The following USP12 variants were observed in gnomAD, a reference collection of about 807,000 sequenced individuals.
USP12 encodes ubiquitin specific peptidase 12.
USP12 carries 19 observed loss-of-function variants against 45.5 expected under a neutral mutation model. The ratio of observed to expected loss-of-function variants is 0.42; its 90% confidence interval spans 0.29 to 0.61. The LOEUF is 0.61. Ranked by LOEUF, USP12 falls within the 20% of genes least tolerant of loss-of-function variation. The pLI is 0.22. For missense variants in USP12, 242 were observed against 447.7 expected, an observed-to-expected ratio of 0.54 and a Z score of 4.15; for synonymous variants, 149 against 148.8, an observed-to-expected ratio of 1.00 and a Z score of -0.01.
At chr13:27,098,024 T>C (rs1363268815) in intron 3 of USP12, among the ~76,000 whole-genome samples, 1 of 150,760 alleles carries the variant, frequency 6.6e-6, no homozygotes, top group Non-Finnish European at 1.5e-5. Context: ...TTGCTCTTGT[T>C]GCCCAGGATG....
intron 1 of USP12, among the ~76,000 whole-genome samples, chr13:27,157,545 TAA>T (rs758974996): frequency 1.6e-4 from 25 of 152,294 alleles, no homozygotes; most frequent in Admixed American, 2.6e-4. Context: ...AAAAAAAATA[TAA>T]GTTTATAGAA....
intron 1 of USP12, among the ~76,000 whole-genome samples, chr13:27,160,644 C>T (rs1181941654): frequency 1.3e-5 from 2 of 152,056 alleles, no homozygotes; most frequent in African/African-American, 4.8e-5. Flanking sequence ...TTTTGTCCAC[C>T]TTTACATAAA....
At chr13:27,087,308 G>A (rs1158365563) in intron 6 of USP12, among the ~76,000 whole-genome samples, 2 of 151,604 alleles carry the variant, frequency 1.3e-5, no homozygotes, top group Non-Finnish European at 2.9e-5. Flanking sequence ...TGCATGCAGG[G>A]AGCGGGGGCA....
intron 7 of USP12, among the ~76,000 whole-genome samples, 192 bp downstream of exon 7, chr13:27,074,999 A>T (rs1873411791): frequency 6.6e-6 from 1 of 152,172 alleles, no homozygotes; most frequent in East Asian, 1.9e-4. Flanking sequence ...AATAAAAACA[A>T]TATATTTTAA....
At position 27,089,966 on chromosome 13, in the gene USP12, C is replaced by A; in HGVS notation, c.651G>T (p.Arg217Ser). Reference protein sequence around the residue: ...EQNTSITHCLRGFSNTETLCS... With the variant: ...EQNTSITHCLSGFSNTETLCS... ...ACAGAGTTTCTGTGTTGCTGAAACC[C>A]CTGTGTGAAATTCAAAACAAATTTA... Residue 217 changes from arginine (R) to serine (S), a missense_variant and splice_region_variant, in exon 6 of 9, where the codon AGG becomes AGT. Arg to Ser is a moderately radical substitution (Grantham distance 110). This residue lies in a region of USP12 where 12 missense variants were observed against 71.0 expected (regional missense o/e 0.17). Coordinates refer to ENST00000282344, the MANE Select transcript of USP12 (RefSeq NM_182488.4). 6.2e-7 allele frequency: 1 copy of A among 1,603,940 alleles called. No individual in the cohort carries two copies. Among genetic ancestry groups the A allele is most frequent in the Non-Finnish European group, 8.5e-7 (1 of 1,173,862 alleles).
chr13:27,086,519 C>T (rs1050140107), intron 6 of USP12, among the ~76,000 whole-genome samples: 7 of 151,582 alleles, frequency 4.6e-5, no homozygotes, highest in Non-Finnish European at 1.0e-4. Flanking sequence ...TACATTTATC[C>T]GTATTTTCTA....
At chr13:27,153,569 GAGTTAC>G (rs1227854996) in intron 1 of USP12, among the ~76,000 whole-genome samples, 1 of 152,080 alleles carries the variant, frequency 6.6e-6, no homozygotes, top group Non-Finnish European at 1.5e-5. Flanking sequence ...CGGTACATTA[GAGTTAC>G]AGATCCTTTT....
chr13:27,103,611 A>AATG (rs1874981793), intron 3 of USP12, among the ~76,000 whole-genome samples: 1 of 93,598 alleles, frequency 1.1e-5, no homozygotes, highest in East Asian at 3.9e-4. Context: ...AAAAAAAAAT[A>AATG]ATAATAATAA....
chr13:27,130,768 G>T (rs1432107013), intron 1 of USP12, among the ~76,000 whole-genome samples: 1 of 152,124 alleles, frequency 6.6e-6, no homozygotes, highest in Non-Finnish European at 1.5e-5. Context: ...TGAGTCACTT[G>T]TTGAAATCTC....
intron 3 of USP12, among the ~76,000 whole-genome samples, chr13:27,103,598 C>CAAAAAAAAAAAAAA (rs376135830): frequency 3.1e-5 from 4 of 128,738 alleles, no homozygotes; most frequent in Non-Finnish European, 4.9e-5. Flanking sequence ...ATTGAACTAT[C>CAAAAAAAAAAAAAA]AAAAAAAAAA....
chr13:27,122,488 C>T lies in USP12; in HGVS notation c.49-5892G>A, dbSNP rs555407220. 4.0e-5 allele frequency among the ~76,000 whole-genome samples: 6 copies of T among 150,180 alleles called. 1 individual carries two copies. The highest frequency in any genetic ancestry group is 2.0e-4 in the East Asian group (1 of 4,990). On this transcript the variant is annotated intron_variant, in intron 1 of 8. Transcript: ENST00000282344. ...ACGGACTAATACACCCCATCTTTAC[C>T]GAAAATACAAAAAACTAGCCAGGCA...
intron 1 of USP12, among the ~76,000 whole-genome samples, chr13:27,119,717 A>C (rs574501711): frequency 6.6e-6 from 1 of 152,366 alleles, no homozygotes; most frequent in East Asian, 1.9e-4. Flanking sequence ...AAGACAACCA[A>C]TATATGCCAA....
At chr13:27,075,856 CCT>C (rs1356653835) in intron 6 of USP12, among the ~76,000 whole-genome samples, 1 of 151,800 alleles carries the variant, frequency 6.6e-6, no homozygotes, top group African/African-American at 2.4e-5. Context: ...ATGGTGAAAC[CCT>C]GTCTCTACTA....
chr13:27,160,596 T>C (rs879142386), intron 1 of USP12, among the ~76,000 whole-genome samples: 4 of 152,180 alleles, frequency 2.6e-5, no homozygotes, highest in Admixed American at 2.6e-4. Context: ...CCGTTGTATC[T>C]AGTTTTTGAG....
chr13:27,105,868 G>A lies in USP12; in HGVS notation c.206C>T (p.Ala69Val), dbSNP rs150867444. Residue 69 changes from alanine to valine, a missense_variant, in exon 3 of 9, where the codon GCG becomes GTG. By Grantham distance (64) the Ala-to-Val change is moderately conservative. Transcript: ENST00000282344. The part of the protein sequence containing the change: ...FCRPFREKVL[A>V]YKSQPRKKES... ...CTTTTTCCTAGGTTGACTCTTATACGCAAGAACTTTTTCCCGAAATGGACG... is the reference window on the plus strand; with the variant it reads ...CTTTTTCCTAGGTTGACTCTTATACACAAGAACTTTTTCCCGAAATGGACG... The A allele has an allele frequency of 6.2e-6, 10 of 1,613,594 alleles. No individual in the cohort carries two copies. Among genetic ancestry groups the A allele is most frequent in the Non-Finnish European group, 7.6e-6 (9 of 1,179,798 alleles).
chr13:27,150,919 A>G (rs1394079305), intron 1 of USP12, among the ~76,000 whole-genome samples: 1 of 152,234 alleles, frequency 6.6e-6, no homozygotes, highest in African/African-American at 2.4e-5. Flanking sequence ...AACAGATCAA[A>G]GAAGTACATA....
At chr13:27,073,517 T>C (rs1873338474) in intron 7 of USP12, among the ~76,000 whole-genome samples, 1 of 151,980 alleles carries the variant, frequency 6.6e-6, no homozygotes. Context: ...GTTGGGTTAA[T>C]TTTAAAAGGG....
At chr13:27,105,509 T>C (rs1875089472) in intron 3 of USP12, among the ~76,000 whole-genome samples, 1 of 152,224 alleles carries the variant, frequency 6.6e-6, no homozygotes, top group Non-Finnish European at 1.5e-5. Context: ...ATTTTATCAC[T>C]GTATAACGCA....
intron 1 of USP12, among the ~76,000 whole-genome samples, chr13:27,169,820 C>T (rs1878503794): frequency 6.6e-6 from 1 of 152,134 alleles, no homozygotes; most frequent in Admixed American, 6.6e-5. Flanking sequence ...CTGCCCTGAC[C>T]AATACTGCAT....
Sources: gnomAD v4.1 joint callset for allele counts (sites outside exome capture counted in the v4.1 genomes callset) on GRCh38, gnomAD v4.1.1 for gene constraint, gnomAD v4.1.1 regional missense constraint, MANE v1.5 for transcripts, NCBI Gene and HGNC (gene_info 2026-07-23, HGNC 2026-07-21) for gene names.